The following TMEM151A variants were observed in gnomAD, a reference collection of about 807,000 sequenced individuals.
TMEM151A encodes transmembrane protein 151A.
In TMEM151A, 21 loss-of-function variants were observed where a neutral mutation model predicts 33.7. The observed-to-expected ratio is 0.62, with a 90% confidence interval of 0.44 to 0.90. TMEM151A has a LOEUF of 0.90. Among genes scored for constraint, TMEM151A ranks in the 40% least tolerant of loss-of-function variants. The pLI is 0.00. For synonymous variants in TMEM151A, 374 were observed against 330.3 expected (o/e 1.13, Z -1.43); for missense variants, 704 against 697.7 (o/e 1.01, Z -0.10).
chr11:66,294,251 G>A, intron 1 of TMEM151A, 71 bp from the exon 2 acceptor site: 2 of 1,575,084 alleles, frequency 1.3e-6, no homozygotes, highest in Non-Finnish European at 1.7e-6. Flanking sequence ...CCTCAGCCGG[G>A]TTAAGCAAAG....
Position 66,295,455 on chromosome 11 carries a change from C to T in TMEM151A, c.1209C>T (p.Arg403=). 6.9e-7 allele frequency: 1 copy of T among 1,439,468 alleles called. No individual in the cohort carries two copies. The highest frequency in any genetic ancestry group is 9.1e-7 in the Non-Finnish European group (1 of 1,098,634). 89.2% of individuals were successfully genotyped at this position (1,439,468 alleles called of 1,614,324 possible). A position where few individuals can be genotyped will look rare whatever the true frequency, so the allele number is the denominator to read the frequency against. The change falls in exon 2 of 2, where the codon CGC becomes CGT. Residue 403 remains arginine (R), a synonymous_variant. Coordinates refer to ENST00000327259, the MANE Select transcript of TMEM151A (RefSeq NM_153266.4). ...GCGGGCCCCGCCTGCCCTTCAGCCG[C>T]AGCCGCCTCTCGCTGGGCGCTGGCG... The part of the protein sequence containing the change: ...RPSGPRLPFS[R]SRLSLGAGGR...
rs757069909 is a variant in TMEM151A, at chr11:66,295,092, C to T, written c.846C>T (p.Tyr282=). The change falls in exon 2 of 2, where the codon TAC becomes TAT. Residue 282 remains tyrosine (Y), a synonymous_variant. Transcript: ENST00000327259. ...VFADPRSPPW[Y]ARAWVFWLVS... ...CCGACCCCCGCAGCCCGCCCTGGTA[C>T]GCGCGCGCCTGGGTCTTCTGGCTCG... is the stretch of plus-strand genomic sequence containing the variant. 1.1e-5 allele frequency: 17 copies of T among 1,594,794 alleles called. No homozygotes were observed. The highest frequency in any genetic ancestry group is 2.2e-5 in the South Asian group (2 of 90,536).
In TMEM151A at chr11:66,294,797, C is replaced by G. The variant is rs927689873; in HGVS notation, c.551C>G (p.Ala184Gly). ...ACCACGCAGGTGTACCATGAGCGCG[C>G]TGACAGCCGCACGGCCCGCGGCGAG... ...YTTTQVYHERADSRTARGEFD... is the reference protein window; with the variant it reads ...YTTTQVYHERGDSRTARGEFD... The change falls in exon 2 of 2, where the codon GCT becomes GGT. Residue 184 changes from alanine to glycine, a missense_variant. Ala to Gly is a moderately conservative substitution (Grantham distance 60). Around this residue, in one of 3 missense-constraint regions of TMEM151A, gnomAD observed 301 missense variants for 323.4 expected, o/e 0.93. Coordinates refer to ENST00000327259, the MANE Select transcript of TMEM151A (RefSeq NM_153266.4). 1.9e-6 allele frequency: 3 copies of G among 1,543,728 alleles called. No individual in the cohort carries two copies. The highest frequency in any genetic ancestry group is 2.6e-6 in the Non-Finnish European group (3 of 1,146,626).
chr11:66,295,114 C>T lies in TMEM151A; in HGVS notation c.868C>T (p.Leu290Phe), dbSNP rs1337805976. The T allele has an allele frequency of 6.3e-7, 1 of 1,587,812 alleles. No homozygotes were observed. The highest frequency in any genetic ancestry group is 8.5e-7 in the Non-Finnish European group (1 of 1,172,942). The change falls in exon 2 of 2, where the codon CTC becomes TTC. Residue 290 changes from leucine (L) to phenylalanine (F), a missense_variant. This residue lies in a region of TMEM151A where 398 missense variants were observed against 356.0 expected (regional missense o/e 1.12). Transcript: ENST00000327259. ...PWYARAWVFW[L>F]VSAATLSWPL... ...GTACGCGCGCGCCTGGGTCTTCTGGCTCGTGTCGGCGGCCACGCTGTCGTG... is the reference window on the plus strand; with the variant it reads ...GTACGCGCGCGCCTGGGTCTTCTGGTTCGTGTCGGCGGCCACGCTGTCGTG...
chr11:66,294,867 G>T lies in TMEM151A; in HGVS notation c.621G>T (p.Leu207=), dbSNP rs778940531. 1.3e-5 allele frequency: 20 copies of T among 1,537,350 alleles called. No homozygotes were observed. Among genetic ancestry groups the T allele is most frequent in the Middle Eastern group, 1.7e-4 (1 of 6,006 alleles). The change falls in exon 2 of 2, where the codon CTG becomes CTT. Residue 207 remains leucine, a synonymous_variant. Transcript: ENST00000327259. ...AHGVRDVSKE[L]VGLAEHAATR... ...GCGTCCGCGACGTCTCCAAGGAGCT[G>T]GTGGGGCTGGCGGAGCACGCGGCCA...
intron 1 of TMEM151A, 78 bp from the exon 2 acceptor site, chr11:66,294,244 C>T (rs1857484781): frequency 1.1e-5 from 17 of 1,564,476 alleles, no homozygotes; most frequent in Non-Finnish European, 1.4e-5. Flanking sequence ...TCACCTTCCT[C>T]AGCCGGGTTA....
Position 66,294,718 on chromosome 11 carries a change from T to C in TMEM151A, c.472T>C (p.Tyr158His). 1.9e-6 allele frequency: 3 copies of C among 1,565,266 alleles called. No individual in the cohort carries two copies. Among genetic ancestry groups the C allele is most frequent in the Non-Finnish European group, 2.6e-6 (3 of 1,155,958 alleles). Reference sequence around the variant, plus strand: ...CTGGTGGAAGGCCACCAGCTATCACTACGTGCGGCGCACACGCCAGATCAC... The same window carrying C: ...CTGGTGGAAGGCCACCAGCTATCACCACGTGCGGCGCACACGCCAGATCAC... ...CVWWKATSYH[Y>H]VRRTRQITRY... The change falls in exon 2 of 2, where the codon TAC (tyrosine) becomes CAC (histidine). Residue 158 changes from tyrosine to histidine, a missense_variant. Physicochemically the swap from Tyr to His is moderately conservative, Grantham distance 83. Transcript: ENST00000327259.
At position 66,294,627 on chromosome 11, in the gene TMEM151A, G is replaced by T; in HGVS notation, c.381G>T (p.Ala127=). The T allele has an allele frequency of 6.2e-7, 1 of 1,611,150 alleles. No homozygotes were observed. Among genetic ancestry groups the T allele is most frequent in the Non-Finnish European group, 8.5e-7 (1 of 1,178,970 alleles). The change falls in exon 2 of 2, where the codon GCG becomes GCT. Residue 127 remains alanine (A), a synonymous_variant. Coordinates refer to ENST00000327259, the MANE Select transcript of TMEM151A (RefSeq NM_153266.4). ...ACTGTCACGTGCGGTCCTGCCAGGCGCCACGCACCGACGCCCACACGGTGC... is the reference window on the plus strand; with the variant it reads ...ACTGTCACGTGCGGTCCTGCCAGGCTCCACGCACCGACGCCCACACGGTGC... ...CWHCHVRSCQ[A]PRTDAHTVLA...
At position 66,296,350 on chromosome 11, in the gene TMEM151A, C is replaced by G. The variant is rs141447622; in HGVS notation, c.*697C>G. 530 of 153,886 alleles carry G rather than the reference C, an allele frequency of 3.4e-3. No homozygotes were observed. Among genetic ancestry groups the G allele is most frequent in the African/African-American group, 0.012 (512 of 41,616 alleles). The allele number at this position is 153,886 out of a possible 1,614,324, so 9.5% of individuals were successfully genotyped here. On this transcript the variant is annotated 3_prime_UTR_variant, in exon 2 of 2. Transcript: ENST00000327259. ...TCCATGTCTGCCTCCATCAGCCACA[C>G]ACACGCAGGGACGCCCGTTCCTTGC...
chr11:66,294,311 C>G lies in TMEM151A; in HGVS notation c.76-11C>G, dbSNP rs371636378. Reference sequence around the variant, plus strand: ...CCTGACACAGACTTCCCTTTCTCTGCCCACCTGCAGCAGCGGCCCCTGAAA... The same window carrying G: ...CCTGACACAGACTTCCCTTTCTCTGGCCACCTGCAGCAGCGGCCCCTGAAA... On this transcript the variant is annotated splice_polypyrimidine_tract_variant and intron_variant, in intron 1 of 1. Transcript: ENST00000327259. The G allele has an allele frequency of 5.0e-5, 81 of 1,604,016 alleles. No individual in the cohort carries two copies. Among genetic ancestry groups the G allele is most frequent in the Middle Eastern group, 1.7e-4 (1 of 6,050 alleles).
rs1373892673 is a variant in TMEM151A at position 66,294,751 on chromosome 11, C to G, written c.505C>G (p.Arg169Gly). The change falls in exon 2 of 2, where the codon CGC (arginine) becomes GGC (glycine). Residue 169 changes from arginine to glycine, a missense_variant. By Grantham distance (125) the Arg-to-Gly change is moderately radical (BLOSUM62 -2). This residue lies in a region of TMEM151A where 301 missense variants were observed against 323.4 expected (regional missense o/e 0.93). Coordinates refer to ENST00000327259, the MANE Select transcript of TMEM151A (RefSeq NM_153266.4). ...GCGCACACGCCAGATCACGCGCTAC[C>G]GCAACGGCGACGCCTACACCACCAC... is the stretch of plus-strand genomic sequence containing the variant. The part of the protein sequence containing the change: ...VRRTRQITRY[R>G]NGDAYTTTQV... 2 of 1,549,840 alleles carry G rather than the reference C, an allele frequency of 1.3e-6. No homozygotes were observed. Among genetic ancestry groups the G allele is most frequent in the Non-Finnish European group, 1.7e-6 (2 of 1,148,212 alleles).
chr11:66,292,599 C>G lies in TMEM151A; in HGVS notation c.75+511C>G, dbSNP rs1200647590. 1.3e-5 allele frequency among the ~76,000 whole-genome samples: 2 copies of G among 152,222 alleles called. No individual in the cohort carries two copies. Among genetic ancestry groups the G allele is most frequent in the African/African-American group, 4.8e-5 (2 of 41,458 alleles). ...CTGCTGGCTGGGACCCCCGACGGCC[C>G]CTCCTCAGCCCTAGCCAGGAAGGTC... On this transcript the variant is annotated intron_variant, in intron 1 of 1. Coordinates refer to ENST00000327259, the MANE Select transcript of TMEM151A (RefSeq NM_153266.4). This position sits in a 1 kb window ranked among gnomAD's most constrained non-coding sequence, Gnocchi z 4.7.
rs1246441551 is a variant in TMEM151A at position 66,294,873 on chromosome 11, G to A, written c.627G>A (p.Gly209=). The change falls in exon 2 of 2, where the codon GGG becomes GGA. Residue 209 remains glycine, a synonymous_variant. Coordinates refer to ENST00000327259, the MANE Select transcript of TMEM151A (RefSeq NM_153266.4). ...GVRDVSKELV[G]LAEHAATRLR... ...GCGACGTCTCCAAGGAGCTGGTGGGGCTGGCGGAGCACGCGGCCACGCGGC... is the reference window on the plus strand; with the variant it reads ...GCGACGTCTCCAAGGAGCTGGTGGGACTGGCGGAGCACGCGGCCACGCGGC... The A allele has an allele frequency of 2.0e-6, 3 of 1,536,796 alleles. No homozygotes were observed. The African/African-American group carries it at 4.1e-5, about 21-fold the overall frequency.
chr11:66,293,898 T>C (rs1857481285), intron 1 of TMEM151A, among the ~76,000 whole-genome samples: 1 of 152,148 alleles, frequency 6.6e-6, no homozygotes. Context: ...TCAGACCCCT[T>C]CCACCCTGGC....
chr11:66,293,580 C>T (rs941986946), intron 1 of TMEM151A, among the ~76,000 whole-genome samples: 1 of 152,098 alleles, frequency 6.6e-6, no homozygotes, highest in Admixed American at 6.5e-5. Context: ...AGACTCGCAC[C>T]TCCCCCGTTC....
rs751452175 is a variant in TMEM151A, at chr11:66,295,090, T to C, written c.844T>C (p.Tyr282His). The C allele has an allele frequency of 6.3e-7, 1 of 1,595,970 alleles. No homozygotes were observed. The highest frequency in any genetic ancestry group is 1.1e-5 in the South Asian group (1 of 90,630). Residue 282 changes from tyrosine (Y) to histidine (H), a missense_variant, in exon 2 of 2, where the codon TAC becomes CAC. This residue lies in a region of TMEM151A where 398 missense variants were observed against 356.0 expected (regional missense o/e 1.12). Coordinates refer to ENST00000327259, the MANE Select transcript of TMEM151A (RefSeq NM_153266.4). ...CGCCGACCCCCGCAGCCCGCCCTGGTACGCGCGCGCCTGGGTCTTCTGGCT... is the reference window on the plus strand; with the variant it reads ...CGCCGACCCCCGCAGCCCGCCCTGGCACGCGCGCGCCTGGGTCTTCTGGCT... ...VFADPRSPPW[Y>H]ARAWVFWLVS...
rs552973153 is a variant in TMEM151A, at chr11:66,292,373, C to T, written c.75+285C>T. ...GCCTGGCCCCCACGCGTCCCAGTGC[C>T]GCAGCGCAGCGGGGGATGCTGCCCC... On this transcript the variant is annotated intron_variant, in intron 1 of 1. Transcript: ENST00000327259. This position sits in a 1 kb window ranked among gnomAD's most constrained non-coding sequence, Gnocchi z 4.7. Among the ~76,000 whole-genome samples, 5 of 152,278 alleles carry T rather than the reference C, an allele frequency of 3.3e-5. No individual in the cohort carries two copies. The highest frequency in any genetic ancestry group is 7.2e-5 in the African/African-American group (3 of 41,548).
chr11:66,294,531 C>T lies in TMEM151A; in HGVS notation c.285C>T (p.Ser95=), dbSNP rs911535017. Residue 95 remains serine, a synonymous_variant, in exon 2 of 2, where the codon TCC becomes TCT. Transcript: ENST00000327259. ...PPPTYPASPC[S]DGYLYIPLAF... ...CGACCTACCCGGCCAGCCCCTGCTC[C>T]GATGGCTACCTGTACATCCCGCTGG... 2 of 1,612,212 alleles carry T rather than the reference C, an allele frequency of 1.2e-6. No individual in the cohort carries two copies. Among genetic ancestry groups the T allele is most frequent in the African/African-American group, 1.3e-5 (1 of 75,024 alleles).
rs1485992878 is a variant in TMEM151A, at chr11:66,295,054, C to T, written c.808C>T (p.Leu270Phe). 25 of 1,598,746 alleles carry T rather than the reference C, an allele frequency of 1.6e-5. No individual in the cohort carries two copies. Among genetic ancestry groups the T allele is most frequent in the East Asian group, 2.2e-5 (1 of 44,838 alleles). ...HLKDVDFRES[L>F]MVFADPRSPP... ...GAAGGACGTAGACTTCCGCGAGTCG[C>T]TCATGGTCTTCGCCGACCCCCGCAG... Residue 270 changes from leucine (L) to phenylalanine (F), a missense_variant, in exon 2 of 2, where the codon CTC becomes TTC. Transcript: ENST00000327259.
Sources: allele counts gnomAD v4.1 joint callset (sites outside exome capture counted in the v4.1 genomes callset), GRCh38; gene constraint gnomAD v4.1.1; regional missense constraint gnomAD v4.1.1; non-coding constraint Gnocchi (gnomAD v3.1); transcripts MANE v1.5; gene names NCBI Gene and HGNC (gene_info 2026-07-23, HGNC 2026-07-21).